Variants in SNURF observed in about 807,000 individuals in gnomAD.
The protein encoded by SNURF is SNURF protein.
A neutral mutation model predicts 11.6 loss-of-function variants in SNURF; 6 were observed. The observed-to-expected ratio is 0.52, with a 90% CI of 0.28 to 1.02. The LOEUF (loss-of-function observed/expected upper bound fraction) is 1.02. Among genes scored for constraint, SNURF ranks in the 50% least tolerant of loss-of-function variants. The pLI is 0.09. For synonymous variants in SNURF, 29 were observed against 31.6 expected, an observed-to-expected ratio of 0.92 and a Z score of 0.27; for missense variants, 84 against 88.4, an observed-to-expected ratio of 0.95 and a Z score of 0.20.
At chr15:24,962,312 A>G in intron 2 of SNURF, 103 bp downstream of exon 2, 2 of 897,654 alleles carry the variant, frequency 2.2e-6, no homozygotes, top group Non-Finnish European at 3.6e-6. Flanking sequence ...TAATTGAAGA[A>G]GCAGACACAT....
downstream of SNURF, among the ~76,000 whole-genome samples, chr15:24,973,131 C>G (rs552561106): frequency 1.3e-5 from 2 of 152,072 alleles, no homozygotes; most frequent in Admixed American, 1.3e-4. Flanking sequence ...TCAGGTGATC[C>G]GCCCACCTCG....
At chr15:24,959,337 T>G (rs917274988) in intron 1 of SNURF, among the ~76,000 whole-genome samples, 2 of 152,104 alleles carry the variant, frequency 1.3e-5, no homozygotes, top group African/African-American at 4.8e-5. Context: ...TAAAAATAAG[T>G]AGATTTAAGC....
chr15:24,972,460 T>C (rs748777797), downstream of SNURF, among the ~76,000 whole-genome samples: 15 of 152,030 alleles, frequency 9.9e-5, no homozygotes, highest in Admixed American at 6.6e-4. Flanking sequence ...TTGAGATCTT[T>C]ATAGGTTTTA....
intron 1 of SNURF, among the ~76,000 whole-genome samples, chr15:24,961,387 A>G (rs1566958034): frequency 6.6e-6 from 1 of 152,124 alleles, no homozygotes; most frequent in Non-Finnish European, 1.5e-5. Context: ...TACTTGTGTT[A>G]CTTTAGTGAA....
At chr15:24,973,695 C>T (rs916462016), downstream of SNURF, among the ~76,000 whole-genome samples, 29 of 152,152 alleles carry the variant, frequency 1.9e-4, no homozygotes, top group African/African-American at 6.8e-4. Flanking sequence ...CCACCTCACC[C>T]GGCCGTTAAC....
chr15:24,964,746 A>G (rs1339319223), intron 2 of SNURF, among the ~76,000 whole-genome samples: 2 of 152,142 alleles, frequency 1.3e-5, no homozygotes, highest in Non-Finnish European at 2.9e-5. Flanking sequence ...TGAAGGTTCT[A>G]TCTTGCTATA....
intron 1 of SNURF, among the ~76,000 whole-genome samples, chr15:24,958,357 T>G (rs2074149087): frequency 6.6e-6 from 1 of 151,530 alleles, no homozygotes; most frequent in African/African-American, 2.4e-5. Context: ...TTTAAAAATC[T>G]TATTTAGACC....
intron 3 of SNURF, chr15:24,974,231 A>C: frequency 1.7e-6 from 1 of 574,212 alleles, no homozygotes; most frequent in Non-Finnish European, 3.2e-6. Context: ...TGTCTGTCAT[A>C]GTGATTTTCA....
chr15:24,961,960 T>A (rs1301986311), intron 1 of SNURF, among the ~76,000 whole-genome samples, 154 bp from the exon 2 acceptor site: 2 of 152,228 alleles, frequency 1.3e-5, no homozygotes, highest in Non-Finnish European at 2.9e-5. Context: ...ATTATGACTG[T>A]TTGAAGGTTA....
downstream of SNURF, chr15:24,978,649 G>A (rs888244540): frequency 8.2e-6 from 5 of 610,030 alleles, no homozygotes; most frequent in African/African-American, 3.7e-5. Context: ...GTGGATGAGG[G>A]TGATGCCTAT....
chr15:24,966,532 A>G (rs1260727799), intron 2 of SNURF, among the ~76,000 whole-genome samples: 1 of 152,128 alleles, frequency 6.6e-6, no homozygotes, highest in Non-Finnish European at 1.5e-5. Flanking sequence ...GGCTTGCTCA[A>G]AACCCCAACC....
downstream of SNURF, among the ~76,000 whole-genome samples, chr15:24,972,071 C>A (rs576397969): frequency 1.3e-5 from 2 of 151,978 alleles, no homozygotes; most frequent in Non-Finnish European, 2.9e-5. Context: ...GCCTGGCCAA[C>A]GTAGCGAAAT....
chr15:24,976,364 T>C, exon 5 of SNURF: 1 of 1,613,460 alleles, frequency 6.2e-7, no homozygotes, highest in Non-Finnish European at 8.5e-7. Context: ...CTGGTGTTGC[T>C]GCGTGGGGAG....
At chr15:24,957,436 GCTA>G (rs2063113447) in intron 1 of SNURF, among the ~76,000 whole-genome samples, 1 of 152,226 alleles carries the variant, frequency 6.6e-6, no homozygotes, top group African/African-American at 2.4e-5. Flanking sequence ...TGAAGTTGGA[GCTA>G]CTACAAAAAT....
chr15:24,974,318 C>G, intron 3 of SNURF: 1 of 788,932 alleles, frequency 1.3e-6, no homozygotes. Context: ...CAGGCTCCAT[C>G]TACTCTTTGA....
At chr15:24,958,386 C>CCTTTT (rs1400673835) in intron 1 of SNURF, among the ~76,000 whole-genome samples, 1 of 124,218 alleles carries the variant, frequency 8.1e-6, no homozygotes, top group African/African-American at 2.9e-5. Context: ...GTCCTGTCTC[C>CCTTTT]TTTTTTTTTT....
exon 3 of SNURF, chr15:24,967,983 T>C: frequency 6.2e-7 from 1 of 1,614,080 alleles, no homozygotes; most frequent in Non-Finnish European, 8.5e-7. Flanking sequence ...CTGTGGTGGA[T>C]TTCCAGGCTG....
At chr15:24,961,635 C>T (rs537634755) in intron 1 of SNURF, among the ~76,000 whole-genome samples, 1 of 151,832 alleles carries the variant, frequency 6.6e-6, no homozygotes, top group South Asian at 2.1e-4. Context: ...AAGAAAGCAC[C>T]ATTTGCATGT....
intron 2 of SNURF, among the ~76,000 whole-genome samples, chr15:24,965,201 A>T (rs1195386025): frequency 6.6e-6 from 1 of 152,124 alleles, no homozygotes; most frequent in African/African-American, 2.4e-5. Context: ...TAGTATTGGG[A>T]GGCAGTCTTC....
Sources: gnomAD v4.1 joint callset for allele counts (sites outside exome capture counted in the v4.1 genomes callset) on GRCh38, gnomAD v4.1.1 for gene constraint, MANE v1.5 for transcripts, NCBI Gene and HGNC (gene_info 2026-07-23, HGNC 2026-07-21) for gene names.